The following HOMER1 variants were observed in gnomAD, a reference collection of about 807,000 sequenced individuals.
HOMER1 encodes homer scaffold protein 1.
Under a neutral mutation model 48.9 loss-of-function variants are expected in HOMER1, and 3 were observed. The ratio of observed to expected loss-of-function variants is 0.06; its 90% CI spans 0.03 to 0.16. HOMER1 has a LOEUF of 0.16. Among genes scored for constraint, HOMER1 ranks in the 10% least tolerant of loss-of-function variants. HOMER1 has a pLI of 1.00. For synonymous variants in HOMER1, 134 were observed against 146.4 expected, an observed-to-expected ratio of 0.92 and a Z score of 0.61; for missense variants, 247 against 411.4, an observed-to-expected ratio of 0.60 and a Z score of 3.46.
intron 5 of HOMER1, among the ~76,000 whole-genome samples, chr5:79,430,796 GC>G (rs1750400314): frequency 6.6e-6 from 1 of 152,054 alleles, no homozygotes; most frequent in Non-Finnish European, 1.5e-5. Flanking sequence ...AATTAGCTGA[GC>G]ATGGTGGCGC....
At chr5:79,379,317 TATAA>T (rs1280347327) in intron 8 of HOMER1, among the ~76,000 whole-genome samples, 9 of 109,710 alleles carry the variant, frequency 8.2e-5, no homozygotes, top group South Asian at 4.8e-4. Flanking sequence ...AATATAAATA[TATAA>T]ATATTTATAT....
At chr5:79,410,619 T>C (rs192554006) in intron 5 of HOMER1, among the ~76,000 whole-genome samples, 1 of 152,192 alleles carries the variant, frequency 6.6e-6, no homozygotes, top group East Asian at 1.9e-4. Context: ...TAAATGCTCC[T>C]ATTAGAATAC....
chr5:79,451,049 C>T lies in HOMER1; in HGVS notation c.235G>A (p.Asp79Asn), dbSNP rs1243764987. Reference protein sequence around the residue: ...KTSQKFGQWADSRANTVYGLG... With the variant: ...KTSQKFGQWANSRANTVYGLG... ...CCATAAACGGTGTTTGCCCGGCTATCAGCCCACTGGCCAAACTTCTGAGAT... is the reference window on the plus strand; with the variant it reads ...CCATAAACGGTGTTTGCCCGGCTATTAGCCCACTGGCCAAACTTCTGAGAT... Residue 79 changes from aspartate to asparagine, a missense_variant, in exon 3 of 9, where the codon GAT (aspartate) becomes AAT (asparagine). By Grantham distance (23) the Asp-to-Asn change is conservative. Around this residue, in one of 4 missense-constraint regions of HOMER1, gnomAD observed 38 missense variants for 114.9 expected, o/e 0.33. Coordinates refer to ENST00000334082, the MANE Select transcript of HOMER1 (RefSeq NM_004272.5). 6.2e-7 allele frequency: 1 copy of T among 1,614,012 alleles called. No individual in the cohort carries two copies. Among genetic ancestry groups the T allele is most frequent in the Non-Finnish European group, 8.5e-7 (1 of 1,179,898 alleles).
At chr5:79,422,583 T>A (rs1222858883) in intron 5 of HOMER1, among the ~76,000 whole-genome samples, 1 of 151,072 alleles carries the variant, frequency 6.6e-6, no homozygotes, top group African/African-American at 2.4e-5. Flanking sequence ...AGAAATTGTA[T>A]CCATTCTACT....
At chr5:79,506,848 AC>A (rs1752785550) in intron 1 of HOMER1, among the ~76,000 whole-genome samples, 1 of 136,358 alleles carries the variant, frequency 7.3e-6, no homozygotes, top group African/African-American at 3.2e-5. Context: ...AACCAAACAA[AC>A]AAAAAAATAT....
chr5:79,513,084 T>A lies in HOMER1; in HGVS notation c.-310A>T. ...CAAGTAGGGAAATGCAGAATCCGGC[T>A]TCACCGAGTCCTATAAAAAATGAGT... On this transcript the variant is annotated 5_prime_UTR_variant, in exon 1 of 9. It adds an upstream start codon to the 5' untranslated region. Coordinates refer to ENST00000334082, the MANE Select transcript of HOMER1 (RefSeq NM_004272.5). 1 of 421,534 alleles carries A rather than the reference T, an allele frequency of 2.4e-6. No individual in the cohort carries two copies. Among genetic ancestry groups the A allele is most frequent in the Non-Finnish European group, 4.2e-6 (1 of 235,634 alleles). 26.1% of individuals were successfully genotyped at this position (421,534 alleles called of 1,614,324 possible).
chr5:79,397,561 T>G lies in HOMER1; in HGVS notation c.761A>C (p.Gln254Pro). 2.5e-6 allele frequency: 4 copies of G among 1,608,776 alleles called. No homozygotes were observed. The highest frequency in any genetic ancestry group is 3.4e-6 in the Non-Finnish European group (4 of 1,176,736). The change falls in exon 7 of 9, where the codon CAA (glutamine) becomes CCA (proline). Residue 254 changes from glutamine (Q) to proline (P), a missense_variant. Physicochemically the swap from Gln to Pro is moderately conservative, Grantham distance 76 (BLOSUM62 -1). Transcript: ENST00000334082. ...CAGTTTCAGTGTCTCTTCCAGTTCT[T>G]GTATTGTCTGATTTAATTCTGTCTT... ...THKTELNQTI[Q>P]ELEETLKLKE...
At chr5:79,390,291 C>G (rs1254679650) in intron 8 of HOMER1, among the ~76,000 whole-genome samples, 1 of 151,134 alleles carries the variant, frequency 6.6e-6, no homozygotes, top group Non-Finnish European at 1.5e-5. Context: ...GTCTCAAAAA[C>G]AAAAAACAAA....
intron 8 of HOMER1, among the ~76,000 whole-genome samples, chr5:79,381,782 G>C (rs1019844975): frequency 1.1e-4 from 17 of 152,054 alleles, no homozygotes; most frequent in Non-Finnish European, 1.9e-4. Flanking sequence ...CTACTCTGAA[G>C]GCTGAGGCAG....
intron 8 of HOMER1, among the ~76,000 whole-genome samples, chr5:79,388,071 C>A (rs1580416841): frequency 6.6e-6 from 1 of 151,736 alleles, no homozygotes; most frequent in Non-Finnish European, 1.5e-5. Context: ...TACGGTAACC[C>A]CAAGAAGGAG....
At chr5:79,492,131 T>A (rs1382058781) in intron 1 of HOMER1, among the ~76,000 whole-genome samples, 1 of 152,238 alleles carries the variant, frequency 6.6e-6, no homozygotes, top group Non-Finnish European at 1.5e-5. Flanking sequence ...TGAAGTTATA[T>A]CTTGGATAAA....
At chr5:79,376,280 C>A in intron 8 of HOMER1, 83 bp from the exon 9 acceptor site, 4 of 984,296 alleles carry the variant, frequency 4.1e-6, no homozygotes, top group South Asian at 1.8e-5. Flanking sequence ...ACCAATATTG[C>A]GGTAATCAAT....
At chr5:79,501,926 A>AT (rs1227582879) in intron 1 of HOMER1, among the ~76,000 whole-genome samples, 1 of 152,166 alleles carries the variant, frequency 6.6e-6, no homozygotes, top group Non-Finnish European at 1.5e-5. Context: ...TCTTTAGCCA[A>AT]TCTTGAAAAG....
chr5:79,437,250 G>A (rs942041896), intron 5 of HOMER1, among the ~76,000 whole-genome samples: 41 of 152,086 alleles, frequency 2.7e-4, no homozygotes, highest in African/African-American at 9.4e-4. Context: ...CCACACAGAT[G>A]GCTCAATTTA....
At chr5:79,458,484 A>C (rs1393145763) in intron 1 of HOMER1, among the ~76,000 whole-genome samples, 1 of 152,080 alleles carries the variant, frequency 6.6e-6, no homozygotes, top group Non-Finnish European at 1.5e-5. Flanking sequence ...GGAGAGGAGA[A>C]AAATTAGAAA....
intron 1 of HOMER1, among the ~76,000 whole-genome samples, chr5:79,500,024 A>C (rs1190278685): frequency 6.6e-6 from 1 of 152,212 alleles, no homozygotes; most frequent in Non-Finnish European, 1.5e-5. Context: ...AAAAAGCTGA[A>C]CTGCCTGATA....
rs145274181 is a variant in HOMER1, at chr5:79,458,897, T to C, written c.6-1879A>G. Among the ~76,000 whole-genome samples the C allele has an allele frequency of 3.9e-3, 588 of 152,316 alleles. 1 individual carries two copies. The highest frequency in any genetic ancestry group is 0.013 in the African/African-American group (558 of 41,574). ...AACCATTGACTTTCAGTGAGGCTGG[T>C]GCTATAAGCTTGGGTTATCTTCCAA... On this transcript the variant is annotated intron_variant, in intron 1 of 8. Transcript: ENST00000334082.
At chr5:79,483,644 T>A (rs1400565535) in intron 1 of HOMER1, among the ~76,000 whole-genome samples, 1 of 151,650 alleles carries the variant, frequency 6.6e-6, no homozygotes, top group Admixed American at 6.6e-5. Context: ...CATATAGATA[T>A]CTGGATCTAC....
chr5:79,440,499 A>G (rs1236518260), intron 4 of HOMER1, among the ~76,000 whole-genome samples: 1 of 152,090 alleles, frequency 6.6e-6, no homozygotes, highest in African/African-American at 2.4e-5. Flanking sequence ...TTGACCTTTA[A>G]TTTCATTTTT....
Sources: allele counts gnomAD v4.1 joint callset (sites outside exome capture counted in the v4.1 genomes callset), GRCh38; gene constraint gnomAD v4.1.1; regional missense constraint gnomAD v4.1.1; transcripts MANE v1.5; gene names NCBI Gene and HGNC (gene_info 2026-07-23, HGNC 2026-07-21).